The following ELAPOR2 variants were observed in gnomAD, a reference collection of about 807,000 sequenced individuals.
The protein encoded by ELAPOR2 is endosome-lysosome associated apoptosis and autophagy regulator family member 2, also known as endosome/lysosome-associated apoptosis and autophagy regulator family member 2.
A neutral mutation model predicts 120.7 loss-of-function variants in ELAPOR2; 89 were observed. The observed-to-expected ratio is 0.74, with a 90% CI of 0.62 to 0.88. The LOEUF (loss-of-function observed/expected upper bound fraction) is 0.88. Ranked by LOEUF, ELAPOR2 falls within the 40% of genes least tolerant of loss-of-function variation. The pLI is 0.00. For missense variants in ELAPOR2, 1,134 were observed against 1,251.6 expected (o/e 0.91, Z 1.42); for synonymous variants, 444 against 444.9 (o/e 1.00, Z 0.03).
intron 12 of ELAPOR2, among the ~76,000 whole-genome samples, chr7:86,915,751 T>TA (rs1323168888): frequency 4.6e-5 from 7 of 150,614 alleles, no homozygotes; most frequent in Non-Finnish European, 8.9e-5. Context: ...CATCCTTTGA[T>TA]AATACAGGAA....
chr7:86,889,659 T>C (rs1788041099), intron 21 of ELAPOR2, among the ~76,000 whole-genome samples: 1 of 152,056 alleles, frequency 6.6e-6, no homozygotes, highest in Non-Finnish European at 1.5e-5. Flanking sequence ...TCTGGAATTT[T>C]CCATGTAATG....
At chr7:87,012,785 G>T (rs1179055420) in intron 1 of ELAPOR2, among the ~76,000 whole-genome samples, 1 of 152,140 alleles carries the variant, frequency 6.6e-6, no homozygotes, top group African/African-American at 2.4e-5. Context: ...ATCTTCCATG[G>T]GTCCTTTGGC....
At position 86,914,833 on chromosome 7, in the gene ELAPOR2, C is replaced by T. The variant is rs201712036; in HGVS notation, c.1621G>A (p.Val541Ile). Residue 541 changes from valine (V) to isoleucine (I), a missense_variant, in exon 13 of 22, where the codon GTA becomes ATA. By Grantham distance (29) the Val-to-Ile change is conservative. Around this residue, in one of 3 missense-constraint regions of ELAPOR2, gnomAD observed 831 missense variants for 867.6 expected, o/e 0.96. Transcript: ENST00000450689. Reference sequence around the variant, plus strand: ...TCTTTGGTTCCACCCCACGATTCTACCACATTTGTACTTTTTCTATTAATA... The same window carrying T: ...TCTTTGGTTCCACCCCACGATTCTATCACATTTGTACTTTTTCTATTAATA... Reference protein sequence around the residue: ...VDINRKSTNVVESWGGTKEKQ... With the variant: ...VDINRKSTNVIESWGGTKEKQ... The T allele has an allele frequency of 1.9e-5, 31 of 1,610,580 alleles. No homozygotes were observed. The East Asian group carries it at 6.9e-4, about 36-fold the overall frequency.
chr7:86,882,702 G>A (rs1049856821), intron 21 of ELAPOR2, among the ~76,000 whole-genome samples: 5 of 152,190 alleles, frequency 3.3e-5, no homozygotes, highest in African/African-American at 1.2e-4. Context: ...TCAATCAATG[G>A]TTATAAAAAT....
chr7:86,897,370 G>T, intron 19 of ELAPOR2, 136 bp downstream of exon 19: 1 of 1,082,404 alleles, frequency 9.2e-7, no homozygotes, highest in Non-Finnish European at 1.3e-6. Flanking sequence ...TGCCAAACTT[G>T]ATTTTAAATG....
At chr7:87,013,468 G>A (rs1343874051) in intron 1 of ELAPOR2, among the ~76,000 whole-genome samples, 2 of 152,110 alleles carry the variant, frequency 1.3e-5, no homozygotes, top group East Asian at 1.9e-4. Context: ...GGTTTTCTTA[G>A]GTAACATGAG....
intron 1 of ELAPOR2, among the ~76,000 whole-genome samples, chr7:87,022,162 T>C (rs1296799497): frequency 1.3e-5 from 2 of 152,044 alleles, no homozygotes; most frequent in East Asian, 1.9e-4. Context: ...ATGTGCCATG[T>C]TGGTGTGTTG....
intron 1 of ELAPOR2, among the ~76,000 whole-genome samples, chr7:87,053,148 T>C (rs1477710070): frequency 6.6e-6 from 1 of 152,154 alleles, no homozygotes; most frequent in East Asian, 1.9e-4. Flanking sequence ...ACCAAGAGGA[T>C]ATGTTGATTA....
At chr7:87,053,805 C>A (rs1795185855) in intron 1 of ELAPOR2, among the ~76,000 whole-genome samples, 1 of 152,198 alleles carries the variant, frequency 6.6e-6, no homozygotes, top group Admixed American at 6.5e-5. Flanking sequence ...CCATCACCCA[C>A]AACCTGCATC....
chr7:86,919,561 G>T (rs1789728466), intron 10 of ELAPOR2: 2 of 301,244 alleles, frequency 6.6e-6, no homozygotes, highest in Non-Finnish European at 6.1e-6. Context: ...TCTCAATGAA[G>T]CATGATTTGT....
intron 18 of ELAPOR2, among the ~76,000 whole-genome samples, chr7:86,905,215 A>T (rs1254897946): frequency 6.6e-6 from 1 of 151,748 alleles, no homozygotes; most frequent in African/African-American, 2.4e-5. Context: ...AAAGAGAGAG[A>T]GGAAGAGAAG....
chr7:87,024,592 G>A (rs1584008847), intron 1 of ELAPOR2, among the ~76,000 whole-genome samples: 4 of 152,264 alleles, frequency 2.6e-5, no homozygotes, highest in Admixed American at 2.6e-4. Context: ...ATGAGTTAGG[G>A]AGGATTCCCT....
At chr7:86,997,766 T>C (rs373618644) in intron 1 of ELAPOR2, among the ~76,000 whole-genome samples, 1 of 152,348 alleles carries the variant, frequency 6.6e-6, no homozygotes, top group East Asian at 1.9e-4. Context: ...ACATGTGTTC[T>C]AGATCCCTCA....
rs954840535 is a variant in ELAPOR2, at chr7:86,942,095, C to T, written c.664G>A (p.Asp222Asn). 3 of 1,543,528 alleles carry T rather than the reference C, an allele frequency of 1.9e-6. No individual in the cohort carries two copies. Among genetic ancestry groups the T allele is most frequent in the Non-Finnish European group, 2.6e-6 (3 of 1,139,948 alleles). Residue 222 changes from aspartate to asparagine, a missense_variant, in exon 5 of 22, where the codon GAT becomes AAT. This residue lies in a region of ELAPOR2 where 280 missense variants were observed against 331.5 expected (regional missense o/e 0.84). Coordinates refer to ENST00000450689, the MANE Select transcript of ELAPOR2 (RefSeq NM_001142749.3). ...GTGGTGTCCATCTCCTGGCACTGAT[C>T]ATTTTGAATCTGTGGATTAAACACA... ...NIFFEFFIQN[D>N]QCQEMDTTTD...
intron 5 of ELAPOR2, 46 bp from the exon 6 acceptor site, chr7:86,940,161 A>G: frequency 8.2e-7 from 1 of 1,226,042 alleles, no homozygotes. Flanking sequence ...AAGCCATGCC[A>G]TTTCCAAAAG....
Position 87,020,861 on chromosome 7 carries a change from G to A in ELAPOR2, c.189+38464C>T, listed in dbSNP as rs146755941. 2.4e-3 allele frequency among the ~76,000 whole-genome samples: 371 copies of A among 152,028 alleles called. 1 individual carries two copies. Among genetic ancestry groups the A allele is most frequent in the Non-Finnish European group, 3.9e-3 (263 of 67,928 alleles). ...TAAAATTTACCAAATCATTTCAATC[G>A]CTTGAGACCATTTCCTCTACCAGTA... On this transcript the variant is annotated intron_variant, in intron 1 of 21. Coordinates refer to ENST00000450689, the MANE Select transcript of ELAPOR2 (RefSeq NM_001142749.3).
At chr7:86,937,869 T>C (rs550137321) in intron 8 of ELAPOR2, among the ~76,000 whole-genome samples, 1 of 152,160 alleles carries the variant, frequency 6.6e-6, no homozygotes, top group South Asian at 2.1e-4. Context: ...CTTTATAAAG[T>C]AGGTGCCAAT....
chr7:86,933,020 T>C (rs894638896), intron 8 of ELAPOR2, among the ~76,000 whole-genome samples: 1 of 151,830 alleles, frequency 6.6e-6, no homozygotes, highest in African/African-American at 2.4e-5. Context: ...TTAAATAAAA[T>C]GTTGAAAATA....
At chr7:87,003,564 G>A (rs1474547130) in intron 1 of ELAPOR2, among the ~76,000 whole-genome samples, 1 of 152,140 alleles carries the variant, frequency 6.6e-6, no homozygotes, top group Non-Finnish European at 1.5e-5. Flanking sequence ...TGCCATGCTT[G>A]TAAGTTTCCT....
Sources: gnomAD v4.1 joint callset for allele counts (sites outside exome capture counted in the v4.1 genomes callset) on GRCh38, gnomAD v4.1.1 for gene constraint, gnomAD v4.1.1 regional missense constraint, MANE v1.5 for transcripts, NCBI Gene and HGNC (gene_info 2026-07-23, HGNC 2026-07-21) for gene names.